CACNA2D3: variants seen among roughly 807,000 people sequenced by gnomAD.
CACNA2D3 encodes the protein voltage-dependent calcium channel subunit alpha-2/delta-3.
CACNA2D3 carries 60 observed loss-of-function variants against 160.6 expected under a neutral mutation model. The observed-to-expected ratio is 0.37, with a 90% CI of 0.30 to 0.46. The LOEUF (loss-of-function observed/expected upper bound fraction) is 0.46, where lower values mean the gene tolerates loss of function less well. CACNA2D3 is among the 20% of genes least tolerant of loss of function. The probability of loss-of-function intolerance (pLI) is 1.00; values close to 1 mark genes in which losing one functional copy is unlikely to be tolerated. For missense variants in CACNA2D3, 1,205 were observed against 1,365.0 expected, an observed-to-expected ratio of 0.88 and a Z score of 1.85; for synonymous variants, 558 against 492.9, an observed-to-expected ratio of 1.13 and a Z score of -1.75.
intron 11 of CACNA2D3, among the ~76,000 whole-genome samples, chr3:54,653,030 G>C (rs1267134790): frequency 2.0e-5 from 3 of 152,034 alleles, no homozygotes; most frequent in African/African-American, 2.4e-5. Context: ...TGATCCACCT[G>C]CCTTGGTCTC....
intron 3 of CACNA2D3, among the ~76,000 whole-genome samples, chr3:54,321,756 GT>G (rs1180760169): frequency 6.6e-6 from 1 of 152,084 alleles, no homozygotes. Context: ...CCTGGAGTGT[GT>G]TTCCTTAATG....
intron 2 of CACNA2D3, among the ~76,000 whole-genome samples, chr3:54,311,346 G>C (rs192512277): frequency 1.3e-5 from 2 of 152,264 alleles, no homozygotes; most frequent in Admixed American, 1.3e-4. Context: ...CTTGGTCACA[G>C]ATGTCCTGCC....
intron 13 of CACNA2D3, among the ~76,000 whole-genome samples, chr3:54,772,538 G>C (rs900359315): frequency 6.6e-6 from 1 of 152,026 alleles, no homozygotes; most frequent in African/African-American, 2.4e-5. Context: ...CATTCTCCCT[G>C]CTTGTTGCTA....
intron 20 of CACNA2D3, 65 bp from the exon 21 acceptor site, chr3:54,880,728 ATGT>A: frequency 7.7e-7 from 1 of 1,303,584 alleles, no homozygotes; most frequent in Non-Finnish European, 1.1e-6. Flanking sequence ...AAATTAAAAA[ATGT>A]TAGCCCACAA....
intron 11 of CACNA2D3, among the ~76,000 whole-genome samples, chr3:54,689,163 A>T (rs184405517): frequency 6.6e-6 from 1 of 152,152 alleles, no homozygotes; most frequent in Admixed American, 6.6e-5. Flanking sequence ...TTCACTTAGC[A>T]GCAGCATTTA....
In CACNA2D3 at chr3:54,844,224, G is replaced by A. The variant is rs534565192; in HGVS notation, c.1552-2169G>A. Among the ~76,000 whole-genome samples, 24 of 152,300 alleles carry A rather than the reference G, an allele frequency of 1.6e-4. 1 individual carries two copies. The South Asian group carries it at 3.9e-3, about 25-fold the overall frequency. ...AGGGAATAGTGTCGAGGAAGAGGAA[G>A]CAATGGGCTAAGAAAAGTAGGAAGA... is the stretch of plus-strand genomic sequence containing the variant. On this transcript the variant is annotated intron_variant, in intron 16 of 37. Coordinates refer to ENST00000474759, the MANE Select transcript of CACNA2D3 (RefSeq NM_018398.3).
intron 13 of CACNA2D3, among the ~76,000 whole-genome samples, chr3:54,796,440 T>G (rs971659935): frequency 6.6e-6 from 1 of 152,140 alleles, no homozygotes; most frequent in Non-Finnish European, 1.5e-5. Flanking sequence ...GAGAAGTGCT[T>G]ATGTGCACAA....
chr3:54,678,446 G>A (rs982615623), intron 11 of CACNA2D3, among the ~76,000 whole-genome samples: 1 of 152,092 alleles, frequency 6.6e-6, no homozygotes, highest in Non-Finnish European at 1.5e-5. Context: ...TGACTGGCCG[G>A]GCGCGGTGGC....
At position 54,911,881 on chromosome 3, in the gene CACNA2D3, A is replaced by G. The variant is rs190690998; in HGVS notation, c.2449+12013A>G. 4.5e-4 allele frequency among the ~76,000 whole-genome samples: 68 copies of G among 152,348 alleles called. 1 individual carries two copies. The highest frequency in any genetic ancestry group is 7.9e-4 in the Non-Finnish European group (54 of 68,030). Reference sequence around the variant, plus strand: ...ATTAGTTATCTTATGCCAAAGCTTAATGCCTTAAAGCTACAGACATTGTAG... The same window carrying G: ...ATTAGTTATCTTATGCCAAAGCTTAGTGCCTTAAAGCTACAGACATTGTAG... On this transcript the variant is annotated intron_variant, in intron 27 of 37. Coordinates refer to ENST00000474759, the MANE Select transcript of CACNA2D3 (RefSeq NM_018398.3).
At chr3:55,023,705 A>G (rs576156929) in intron 35 of CACNA2D3, among the ~76,000 whole-genome samples, 5 of 152,206 alleles carry the variant, frequency 3.3e-5, no homozygotes, top group South Asian at 2.1e-4. Context: ...GGCTTCTATC[A>G]TGTATCCTAT....
intron 13 of CACNA2D3, among the ~76,000 whole-genome samples, chr3:54,800,946 G>C (rs1219539587): frequency 1.3e-5 from 2 of 151,574 alleles, no homozygotes; most frequent in Admixed American, 6.6e-5. Flanking sequence ...CCTGGGAAAG[G>C]CTTATCCAGA....
intron 11 of CACNA2D3, among the ~76,000 whole-genome samples, chr3:54,687,307 ATTTTT>A (rs35541501): frequency 7.8e-6 from 1 of 128,006 alleles, no homozygotes; most frequent in African/African-American, 3.0e-5. Flanking sequence ...AGCCTGGCTA[ATTTTT>A]TTTTTTTTTT....
chr3:54,341,011 G>A (rs1285477963), intron 3 of CACNA2D3, among the ~76,000 whole-genome samples: 3 of 152,180 alleles, frequency 2.0e-5, no homozygotes, highest in Non-Finnish European at 4.4e-5. Context: ...CACGCCTGCT[G>A]TCCCCTCACC....
chr3:55,050,177 T>C lies in CACNA2D3; in HGVS notation c.2988-23268T>C, dbSNP rs528688594. On this transcript the variant is annotated intron_variant, in intron 35 of 37. Coordinates refer to ENST00000474759, the MANE Select transcript of CACNA2D3 (RefSeq NM_018398.3). ...TTAGCTGGTTATTTTGCTCATTAGT[T>C]GATGCAGTTTCTTCCTAGTCTCGAT... is the stretch of plus-strand genomic sequence containing the variant. Among the ~76,000 whole-genome samples the C allele has an allele frequency of 1.2e-4, 18 of 150,956 alleles. No homozygotes were observed. The East Asian group carries it at 1.8e-3, about 15-fold the overall frequency.
At chr3:54,751,365 C>G (rs374553406) in intron 11 of CACNA2D3, among the ~76,000 whole-genome samples, 10 of 152,302 alleles carry the variant, frequency 6.6e-5, no homozygotes, top group East Asian at 3.9e-4. Context: ...ACCATTACCT[C>G]ACAACTAGCC....
At chr3:54,885,234 C>CT (rs1559616762) in intron 21 of CACNA2D3, 47 bp from the exon 22 acceptor site, 2 of 1,600,978 alleles carry the variant, frequency 1.2e-6, no homozygotes, top group East Asian at 2.2e-5. Context: ...CACAGGAGGA[C>CT]TGGGGGAGTG....
At chr3:54,775,121 C>T (rs1342668724) in intron 13 of CACNA2D3, among the ~76,000 whole-genome samples, 1 of 152,122 alleles carries the variant, frequency 6.6e-6, no homozygotes, top group African/African-American at 2.4e-5. Flanking sequence ...GAGTCACAGC[C>T]AAACGTTGAG....
chr3:54,829,727 ATAAACT>A (rs1029487210), intron 14 of CACNA2D3, among the ~76,000 whole-genome samples: 2 of 151,948 alleles, frequency 1.3e-5, no homozygotes, highest in Admixed American at 1.3e-4. Flanking sequence ...CAAGTCATTG[ATAAACT>A]TAAGCTCATG....
intron 5 of CACNA2D3, among the ~76,000 whole-genome samples, chr3:54,518,214 G>A (rs112236679): frequency 4.4e-4 from 67 of 152,252 alleles, no homozygotes; most frequent in African/African-American, 1.4e-3. Context: ...TCCCATCCCC[G>A]CTCCTCCCTT....
Sources: allele counts gnomAD v4.1 joint callset (sites outside exome capture counted in the v4.1 genomes callset), GRCh38; gene constraint gnomAD v4.1.1; transcripts MANE v1.5; gene names NCBI Gene and HGNC (gene_info 2026-07-23, HGNC 2026-07-21).